Variants in LRRTM4 observed in about 807,000 individuals in gnomAD.
LRRTM4 encodes the protein leucine-rich repeat transmembrane neuronal protein 4.
In LRRTM4, 25 loss-of-function variants were observed where a neutral mutation model predicts 47.6. That is an observed-to-expected ratio of 0.53 (90% CI 0.38 to 0.73). The LOEUF is 0.73. Among genes scored for constraint, LRRTM4 ranks in the 30% least tolerant of loss-of-function variants. The pLI is 0.00. For synonymous variants in LRRTM4, 311 were observed against 269.5 expected, an observed-to-expected ratio of 1.15 and a Z score of -1.51; for missense variants, 638 against 713.4, an observed-to-expected ratio of 0.89 and a Z score of 1.20.
At chr2:77,449,237 A>G (rs1258299394) in intron 3 of LRRTM4, among the ~76,000 whole-genome samples, 4 of 152,216 alleles carry the variant, frequency 2.6e-5, no homozygotes, top group African/African-American at 4.8e-5. Context: ...CAAACAACAT[A>G]TAAATCTAGA....
chr2:77,145,147 A>G lies in LRRTM4; in HGVS notation c.1551+373171T>C, dbSNP rs184787008. 1.3e-3 allele frequency among the ~76,000 whole-genome samples: 203 copies of G among 152,108 alleles called. 1 individual carries two copies. The highest frequency in any genetic ancestry group is 4.8e-3 in the African/African-American group (198 of 41,516). The stretch of plus-strand genomic sequence containing the variant: ...AGAGTAGCAAGCTAAAATAGATACC[A>G]CATTTATACAAGGAAAAACTCCAAA... On this transcript the variant is annotated intron_variant, in intron 3 of 3. Coordinates refer to ENST00000409884, the MANE Select transcript of LRRTM4 (RefSeq NM_001134745.3).
chr2:76,966,454 A>C (rs1264823135), intron 3 of LRRTM4, among the ~76,000 whole-genome samples: 1 of 151,436 alleles, frequency 6.6e-6, no homozygotes, highest in Non-Finnish European at 1.5e-5. Context: ...CTTAGTAATA[A>C]AAGAAACAAA....
intron 3 of LRRTM4, among the ~76,000 whole-genome samples, chr2:76,941,587 AGTTT>A (rs1217073378): frequency 2.7e-5 from 4 of 149,702 alleles, no homozygotes; most frequent in African/African-American, 4.9e-5. Context: ...TTCCTGTTTT[AGTTT>A]GTTAAAAATA....
chr2:77,275,963 C>T (rs916252214), intron 3 of LRRTM4, among the ~76,000 whole-genome samples: 2 of 151,842 alleles, frequency 1.3e-5, no homozygotes, highest in Non-Finnish European at 2.9e-5. Flanking sequence ...GTTTAGGCTT[C>T]AGGAAATAAC....
Position 77,518,955 on chromosome 2 carries a change from G to A in LRRTM4, c.914C>T (p.Ser305Phe), listed in dbSNP as rs1679356314. Residue 305 changes from serine to phenylalanine, a missense_variant, in exon 3 of 4, where the codon TCC becomes TTC. Physicochemically the swap from Ser to Phe is radical, Grantham distance 155. Coordinates refer to ENST00000409884, the MANE Select transcript of LRRTM4 (RefSeq NM_001134745.3). ...CCACATATTTCCAGACAATGTGATGGATATTAATGATATCCACGCATTGAC... is the reference window on the plus strand; with the variant it reads ...CCACATATTTCCAGACAATGTGATGAATATTAATGATATCCACGCATTGAC... ...ETVNAWISLI[S>F]ITLSGNMWEC... 1 of 1,611,330 alleles carries A rather than the reference G, an allele frequency of 6.2e-7. No homozygotes were observed. Among genetic ancestry groups the A allele is most frequent in the Non-Finnish European group, 8.5e-7 (1 of 1,178,642 alleles).
intron 3 of LRRTM4, among the ~76,000 whole-genome samples, chr2:77,386,390 T>A (rs1170064629): frequency 1.3e-5 from 2 of 152,166 alleles, no homozygotes; most frequent in Admixed American, 1.3e-4. Context: ...CGAAAGTTGG[T>A]TATTTTGCTG....
chr2:77,036,182 G>T (rs551140479), intron 3 of LRRTM4, among the ~76,000 whole-genome samples: 1 of 151,802 alleles, frequency 6.6e-6, no homozygotes, highest in East Asian at 1.9e-4. Context: ...TGGAATGAGG[G>T]ACAAAACTGA....
Position 76,971,953 on chromosome 2 carries a change from A to T in LRRTM4, c.1552-223037T>A, listed in dbSNP as rs149506383. On this transcript the variant is annotated intron_variant, in intron 3 of 3. Coordinates refer to ENST00000409884, the MANE Select transcript of LRRTM4 (RefSeq NM_001134745.3). ...GATCATGGTGACAGTGCTGTATTTC[A>T]TTGCACAGATCATGCTATTTCATTT... Among the ~76,000 whole-genome samples the T allele has an allele frequency of 3.0e-3, 454 of 152,150 alleles. 3 individuals carry two copies. The highest frequency in any genetic ancestry group is 0.01 in the African/African-American group (433 of 41,560).
chr2:77,503,820 G>A (rs1226171954), intron 3 of LRRTM4, among the ~76,000 whole-genome samples: 1 of 151,592 alleles, frequency 6.6e-6, no homozygotes, highest in African/African-American at 2.4e-5. Flanking sequence ...AAAGAAAAAA[G>A]GCCGACTGTT....
chr2:76,807,711 C>A (rs902470672), intron 3 of LRRTM4, among the ~76,000 whole-genome samples: 1 of 150,922 alleles, frequency 6.6e-6, no homozygotes, highest in Non-Finnish European at 1.5e-5. Context: ...TCTGCCTCAG[C>A]CTCCCGAGTA....
intron 3 of LRRTM4, among the ~76,000 whole-genome samples, chr2:77,294,370 G>C (rs913609179): frequency 6.6e-6 from 1 of 152,010 alleles, no homozygotes; most frequent in African/African-American, 2.4e-5. Flanking sequence ...ACAAAAATTA[G>C]AATTTACCTA....
intron 3 of LRRTM4, among the ~76,000 whole-genome samples, chr2:76,766,711 A>C (rs1229265227): frequency 6.6e-6 from 1 of 152,210 alleles, no homozygotes; most frequent in Admixed American, 6.5e-5. Context: ...CTGCTACAGC[A>C]GTAGTTGTCA....
chr2:76,894,920 C>A (rs1558720015), intron 3 of LRRTM4, among the ~76,000 whole-genome samples: 3 of 151,160 alleles, frequency 2.0e-5, no homozygotes, highest in African/African-American at 4.9e-5. Flanking sequence ...AGATACAACT[C>A]ATTAATAATT....
chr2:77,116,087 C>A (rs1378202292), intron 3 of LRRTM4, among the ~76,000 whole-genome samples: 2 of 152,044 alleles, frequency 1.3e-5, no homozygotes, highest in Non-Finnish European at 2.9e-5. Flanking sequence ...TAGGCACTTG[C>A]ATTTGGATAA....
chr2:77,245,517 C>CAAAAAAAAAA (rs770133274), intron 3 of LRRTM4, among the ~76,000 whole-genome samples: 1 of 86,452 alleles, frequency 1.2e-5, no homozygotes, highest in Non-Finnish European at 2.6e-5. Flanking sequence ...GACACTGCCT[C>CAAAAAAAAAA]AAAAAAAAAA....
At chr2:77,309,696 TAGATA>T (rs1232610073) in intron 3 of LRRTM4, among the ~76,000 whole-genome samples, 97 of 148,578 alleles carry the variant, frequency 6.5e-4, no homozygotes, top group African/African-American at 2.3e-3. Flanking sequence ...GATAGATAGA[TAGATA>T]GATAGATAGA....
intron 3 of LRRTM4, among the ~76,000 whole-genome samples, chr2:76,918,888 T>A (rs530736464): frequency 2.0e-5 from 3 of 152,288 alleles, no homozygotes; most frequent in African/African-American, 7.2e-5. Flanking sequence ...CTAACTTCGA[T>A]CAAGATAACC....
chr2:77,404,365 A>T (rs890244883), intron 3 of LRRTM4, among the ~76,000 whole-genome samples: 1 of 152,108 alleles, frequency 6.6e-6, no homozygotes, highest in Non-Finnish European at 1.5e-5. Flanking sequence ...TACAAAATGC[A>T]GTACAGACAG....
At chr2:77,163,138 C>A (rs1203982970) in intron 3 of LRRTM4, among the ~76,000 whole-genome samples, 1 of 152,052 alleles carries the variant, frequency 6.6e-6, no homozygotes, top group African/African-American at 2.4e-5. Flanking sequence ...CTTAAATAAC[C>A]TGATGGAGCT....
Sources: allele counts gnomAD v4.1 joint callset (sites outside exome capture counted in the v4.1 genomes callset), GRCh38; gene constraint gnomAD v4.1.1; transcripts MANE v1.5; gene names NCBI Gene and HGNC (gene_info 2026-07-23, HGNC 2026-07-21).